SCMH1: variants seen among roughly 807,000 people sequenced by gnomAD.
SCMH1 encodes Scm polycomb group protein homolog 1.
Under a neutral mutation model 70.8 loss-of-function variants are expected in SCMH1, and 37 were observed. The ratio of observed to expected loss-of-function variants is 0.52; its 90% CI spans 0.40 to 0.69. SCMH1 has a LOEUF of 0.69. SCMH1 is among the 30% of genes least tolerant of loss of function. The pLI, the probability that SCMH1 is intolerant of heterozygous loss-of-function variation, is 0.00. For synonymous variants in SCMH1, 292 were observed against 307.4 expected, an observed-to-expected ratio of 0.95 and a Z score of 0.52; for missense variants, 607 against 827.3, an observed-to-expected ratio of 0.73 and a Z score of 3.27.
chr1:41,187,707 G>C (rs578155579), intron 1 of SCMH1, among the ~76,000 whole-genome samples: 173 of 151,414 alleles, frequency 1.1e-3, no homozygotes, highest in Admixed American at 2.1e-3. Context: ...GCTGAAGTAG[G>C]GGGGAATCGC....
intron 8 of SCMH1, among the ~76,000 whole-genome samples, chr1:41,096,009 G>T (rs900217963): frequency 1.3e-5 from 2 of 152,052 alleles, no homozygotes; most frequent in African/African-American, 4.8e-5. Context: ...TATACAGTGT[G>T]ATTAAACTGC....
At position 41,075,327 on chromosome 1, in the gene SCMH1, CTTCT is replaced by C; in HGVS notation, c.866_869del (p.Lys289SerfsTer9). ...TTAGGGTCTTGGGTGTCCGGCCCCG[CTTCT>C]TTCCTGGTTTACGCCCCCTCTGCCC... On this transcript the variant is annotated frameshift_variant, in exon 9 of 15. Transcript: ENST00000337495. LOFTEE classifies it high-confidence loss of function. The C allele has an allele frequency of 6.2e-7, 1 of 1,614,170 alleles. No individual in the cohort carries two copies. The highest frequency in any genetic ancestry group is 8.5e-7 in the Non-Finnish European group (1 of 1,180,030).
intron 10 of SCMH1, among the ~76,000 whole-genome samples, chr1:41,069,084 A>T (rs1655608000): frequency 1.3e-5 from 2 of 152,230 alleles, no homozygotes; most frequent in Non-Finnish European, 2.9e-5. Flanking sequence ...AAACAAGGAA[A>T]TCAACAAGAT....
intron 6 of SCMH1, among the ~76,000 whole-genome samples, chr1:41,136,378 CTTTCT>C (rs764433873): frequency 1.1e-4 from 16 of 149,620 alleles, no homozygotes; most frequent in East Asian, 2.0e-4. Context: ...TCTTTTCTTT[CTTTCT>C]TTTTTTTTTT....
In SCMH1 at chr1:41,113,876, C is replaced by A. The variant is rs1422179015; in HGVS notation, c.502-350G>T. Among the ~76,000 whole-genome samples the A allele has an allele frequency of 6.6e-6, 1 of 152,124 alleles. No individual in the cohort carries two copies. The highest frequency in any genetic ancestry group is 1.5e-5 in the Non-Finnish European group (1 of 68,038). ...TTATATTTTACTATATACATACATA[C>A]CCATTTGCCTGCTTTTAAATTTTAT... is the stretch of plus-strand genomic sequence containing the variant. On this transcript the variant is annotated intron_variant, in intron 7 of 14. Coordinates refer to ENST00000337495, the Ensembl canonical transcript of SCMH1. This position sits in a 1 kb window ranked among gnomAD's most constrained non-coding sequence, Gnocchi z 4.3.
At chr1:41,195,359 A>G (rs1027512504) in intron 1 of SCMH1, among the ~76,000 whole-genome samples, 9 of 152,094 alleles carry the variant, frequency 5.9e-5, no homozygotes, top group Non-Finnish European at 1.3e-4. Flanking sequence ...GCATAGTAAG[A>G]GCACACACAA....
At chr1:41,214,900 A>G (rs1425846851) in intron 1 of SCMH1, among the ~76,000 whole-genome samples, 1 of 152,166 alleles carries the variant, frequency 6.6e-6, no homozygotes, top group Admixed American at 6.5e-5. Flanking sequence ...GCTTCATTGC[A>G]ACAGAATGGT....
Position 41,131,020 on chromosome 1 carries a change from G to C in SCMH1, c.412+11858C>G, listed in dbSNP as rs552524277. On this transcript the variant is annotated intron_variant, in intron 6 of 14. Transcript: ENST00000337495. ...GATTTCCTCCTGTTTTCTTCGAAGA[G>C]TTTTCTCATTTTAGCTCTTACATTT... 5.9e-5 allele frequency among the ~76,000 whole-genome samples: 9 copies of C among 152,166 alleles called. No homozygotes were observed. In the East Asian group the frequency reaches 1.5e-3, roughly 26 times the overall value.
At chr1:41,230,556 G>A (rs1661106938) in intron 1 of SCMH1, among the ~76,000 whole-genome samples, 1 of 151,920 alleles carries the variant, frequency 6.6e-6, no homozygotes, top group African/African-American at 2.4e-5. Flanking sequence ...TACTCAGAAG[G>A]CTGAGGGAAG....
At chr1:41,112,832 T>G (rs1359258031) in intron 8 of SCMH1, among the ~76,000 whole-genome samples, 1 of 152,176 alleles carries the variant, frequency 6.6e-6, no homozygotes, top group Non-Finnish European at 1.5e-5. Context: ...CTCAAACCCA[T>G]GTCTATCTTA....
At chr1:41,062,213 C>T (rs1652914414) in intron 10 of SCMH1, among the ~76,000 whole-genome samples, 1 of 151,872 alleles carries the variant, frequency 6.6e-6, no homozygotes, top group Non-Finnish European at 1.5e-5. Context: ...TTTCAGAACA[C>T]AACAGAATGA....
intron 2 of SCMH1, among the ~76,000 whole-genome samples, chr1:41,182,459 G>A (rs12742803): frequency 0.11 from 16,481 of 152,278 alleles, 1,269 homozygotes; most frequent in East Asian, 0.27. Context: ...GCCCATGCCT[G>A]TTATCCCAGT....
chr1:41,196,540 T>A (rs372703714), intron 1 of SCMH1, among the ~76,000 whole-genome samples: 206 of 152,192 alleles, frequency 1.4e-3, no homozygotes, highest in African/African-American at 4.8e-3. Flanking sequence ...TACAAAAAAA[T>A]TAACTCAAAA....
At chr1:41,147,478 T>G (rs1456795716) in intron 5 of SCMH1, among the ~76,000 whole-genome samples, 1 of 152,140 alleles carries the variant, frequency 6.6e-6, no homozygotes, top group Non-Finnish European at 1.5e-5. Flanking sequence ...ACATTTAATT[T>G]TGTGAAATGC....
chr1:41,124,761 A>C (rs1226159021), intron 6 of SCMH1, among the ~76,000 whole-genome samples: 1 of 151,730 alleles, frequency 6.6e-6, no homozygotes. Context: ...CACCTGGCCA[A>C]TTTTTCTATT....
chr1:41,099,911 A>G (rs1666110752), intron 8 of SCMH1, among the ~76,000 whole-genome samples: 1 of 152,208 alleles, frequency 6.6e-6, no homozygotes, highest in Admixed American at 6.5e-5. Flanking sequence ...AACATGCTCT[A>G]AACAACATTA....
At position 41,031,669 on chromosome 1, in the gene SCMH1, A is replaced by G. The variant is rs75428122; in HGVS notation, c.1679-2943T>C. On this transcript the variant is annotated intron_variant, in intron 13 of 14. Coordinates refer to ENST00000337495, the Ensembl canonical transcript of SCMH1. The stretch of plus-strand genomic sequence containing the variant: ...TCACTTCTCCCTGTCTTAAAAGTCT[A>G]CTGTGATGCTAAGAGAGAAACCAAG... 5.7e-3 allele frequency among the ~76,000 whole-genome samples: 866 copies of G among 152,294 alleles called. 3 individuals are homozygous for G. The highest frequency in any genetic ancestry group is 0.017 in the Middle Eastern group (5 of 294).
chr1:41,132,141 T>C (rs1157249519), intron 6 of SCMH1, among the ~76,000 whole-genome samples: 2 of 152,206 alleles, frequency 1.3e-5, no homozygotes, highest in Non-Finnish European at 2.9e-5. Context: ...CCACAATGGG[T>C]GAACTAATTT....
At chr1:41,202,192 C>T (rs189704489) in intron 1 of SCMH1, among the ~76,000 whole-genome samples, 61 of 151,956 alleles carry the variant, frequency 4.0e-4, no homozygotes, top group African/African-American at 1.3e-3. Flanking sequence ...CCCACGACCA[C>T]GCCCGGCTAA....
Sources: gnomAD v4.1 joint callset for allele counts (sites outside exome capture counted in the v4.1 genomes callset) on GRCh38, gnomAD v4.1.1 for gene constraint, Gnocchi (gnomAD v3.1) non-coding constraint, MANE v1.5 for transcripts, NCBI Gene and HGNC (gene_info 2026-07-23, HGNC 2026-07-21) for gene names.